NAT1: variants seen among roughly 807,000 people sequenced by gnomAD.
NAT1 encodes the protein N-acetyltransferase 1.
For missense variants in NAT1, 400 were observed against 339.2 expected, an observed-to-expected ratio of 1.18 and a Z score of -1.41; for synonymous variants, 144 against 122.6, an observed-to-expected ratio of 1.17 and a Z score of -1.16.
chr8:18,219,463 C>T lies in NAT1; in HGVS notation c.-33C>T. On this transcript the variant is annotated 5_prime_UTR_variant, in exon 2 of 3. Transcript: ENST00000307719. ...TGTCTTCTGGATTAAAACTGAAGAT[C>T]AACCTACTTTCAACTTACTAAGAAA... 1 of 1,550,462 alleles carries T rather than the reference C, an allele frequency of 6.4e-7. No homozygotes were observed. Among genetic ancestry groups the T allele is most frequent in the Non-Finnish European group, 8.7e-7 (1 of 1,146,368 alleles).
At chr8:18,180,086 G>A (rs1423595865) in intron 2 of NAT1, among the ~76,000 whole-genome samples, 2 of 152,038 alleles carry the variant, frequency 1.3e-5, no homozygotes, top group African/African-American at 2.4e-5. Context: ...GAAAGACAAG[G>A]TGTGTAGATA....
chr8:18,172,503 C>A (rs1048450493), intron 2 of NAT1, among the ~76,000 whole-genome samples: 1 of 152,136 alleles, frequency 6.6e-6, no homozygotes. Context: ...TCATGCAATC[C>A]ATGTACCAGT....
chr8:18,199,305 A>G (rs1471681842), intron 2 of NAT1, among the ~76,000 whole-genome samples: 1 of 150,460 alleles, frequency 6.6e-6, no homozygotes, highest in Admixed American at 6.6e-5. Flanking sequence ...CAAAACAAGA[A>G]AGACTCTGTC....
chr8:18,186,713 C>T (rs7831983), intron 2 of NAT1, among the ~76,000 whole-genome samples: 96,127 of 152,014 alleles, frequency 0.63, 30,871 homozygotes, highest in South Asian at 0.75. Flanking sequence ...CCTGTCTTAT[C>T]ATCCTTCCAG....
chr8:18,181,862 T>C (rs1050100323), intron 2 of NAT1, among the ~76,000 whole-genome samples: 6 of 152,182 alleles, frequency 3.9e-5, no homozygotes, highest in Admixed American at 1.3e-4. Flanking sequence ...TTTCCTCCAG[T>C]TGGGGCAGTG....
intron 2 of NAT1, among the ~76,000 whole-genome samples, chr8:18,182,052 A>G (rs1047633985): frequency 1.3e-5 from 2 of 152,146 alleles, no homozygotes; most frequent in African/African-American, 4.8e-5. Context: ...TCTCCTCTCT[A>G]TGGTGCCTGG....
At chr8:18,216,845 C>A in intron 1 of NAT1, 1 of 1,343,666 alleles carries the variant, frequency 7.4e-7, no homozygotes. Context: ...TAAGGGGGAA[C>A]TCATAAGAAC....
chr8:18,171,625 A>G (rs1379466408), intron 2 of NAT1, among the ~76,000 whole-genome samples: 2 of 152,180 alleles, frequency 1.3e-5, no homozygotes, highest in Non-Finnish European at 2.9e-5. Flanking sequence ...CTGCACAAAC[A>G]AAACAAAAAA....
intron 2 of NAT1, among the ~76,000 whole-genome samples, chr8:18,199,317 CAAAAAA>C (rs373393013): frequency 2.3e-5 from 2 of 87,484 alleles, no homozygotes; most frequent in Admixed American, 1.3e-4. Flanking sequence ...GACTCTGTCT[CAAAAAA>C]AAAAAAAAAA....
At chr8:18,204,750 T>C (rs1015370275) in intron 2 of NAT1, among the ~76,000 whole-genome samples, 1 of 152,176 alleles carries the variant, frequency 6.6e-6, no homozygotes, top group Non-Finnish European at 1.5e-5. Flanking sequence ...CTAATAGCCA[T>C]AAGAGAATCA....
intron 2 of NAT1, among the ~76,000 whole-genome samples, chr8:18,184,005 T>C (rs932525315): frequency 2.6e-5 from 4 of 152,064 alleles, no homozygotes; most frequent in East Asian, 1.9e-4. Context: ...TGGCAGTGTA[T>C]ACTAGTGGCT....
In NAT1 at chr8:18,222,858, T is replaced by C. The variant is rs779619721; in HGVS notation, c.811T>C (p.Phe271Leu). The C allele has an allele frequency of 1.3e-6, 2 of 1,599,622 alleles. No homozygotes were observed. The highest frequency in any genetic ancestry group is 1.1e-5 in the South Asian group (1 of 87,104). The change falls in exon 3 of 3, where the codon TTT (phenylalanine) becomes CTT (leucine). Residue 271 changes from phenylalanine (F) to leucine (L), a missense_variant. By Grantham distance (22) the Phe-to-Leu change is conservative. Coordinates refer to ENST00000307719, the MANE Select transcript of NAT1 (RefSeq NM_000662.8). ...EEIEKVLKNIFNISLQRKLVP... is the reference protein window; with the variant it reads ...EEIEKVLKNILNISLQRKLVP... ...AATAGAAAAAGTGCTGAAAAATATA[T>C]TTAATATTTCCTTGCAGAGAAAGCT...
At chr8:18,200,776 T>A (rs1250503560) in intron 2 of NAT1, 2 of 152,056 alleles carry the variant, frequency 1.3e-5, no homozygotes, top group East Asian at 3.9e-4. Flanking sequence ...AATCCCTTCA[T>A]TTGTTTATAT....
At chr8:18,191,667 G>A (rs1329957395) in intron 2 of NAT1, among the ~76,000 whole-genome samples, 2 of 152,094 alleles carry the variant, frequency 1.3e-5, no homozygotes, top group African/African-American at 2.4e-5. Flanking sequence ...GAACAGAACA[G>A]AGCCCTCAGA....
rs909963624 is a variant in NAT1 at position 18,186,968 on chromosome 8, T to A, written n.92+16229T>A. On this transcript the variant is annotated intron_variant and non_coding_transcript_variant, in intron 2 of 4. Transcript: ENST00000517441. ...CCTGGCTAGAGGTCAAATTAAGAAA[T>A]CTGGCAAAAAGTAAGCTGTTCCTTG... is the stretch of plus-strand genomic sequence containing the variant. Among the ~76,000 whole-genome samples, 3 of 152,092 alleles carry A rather than the reference T, an allele frequency of 2.0e-5. No individual in the cohort carries two copies. The East Asian group carries it at 5.8e-4, about 29-fold the overall frequency.
intron 2 of NAT1, among the ~76,000 whole-genome samples, chr8:18,201,463 G>T (rs1803460785): frequency 6.6e-6 from 1 of 152,050 alleles, no homozygotes; most frequent in South Asian, 2.1e-4. Context: ...CCTCCTCCCT[G>T]GGTCCTGCAT....
chr8:18,223,238 T>G lies in NAT1; in HGVS notation c.*318T>G, dbSNP rs4986993. On this transcript the variant is annotated 3_prime_UTR_variant, in exon 3 of 3. Coordinates refer to ENST00000307719, the MANE Select transcript of NAT1 (RefSeq NM_000662.8). Reference sequence around the variant, plus strand: ...TGTTGAATTCCTAGAAAAGTTTTATTGGTAGATGAGTAAATAAAATATTGT... The same window carrying G: ...TGTTGAATTCCTAGAAAAGTTTTATGGGTAGATGAGTAAATAAAATATTGT... 109,511 of 168,204 alleles carry G rather than the reference T, an allele frequency of 0.65. 36,695 individuals carry two copies. The highest frequency in any genetic ancestry group is 0.74 in the Non-Finnish European group (51,461 of 69,136). 10.4% of individuals were successfully genotyped at this position (168,204 alleles called of 1,614,324 possible).
chr8:18,187,695 C>T (rs1802799117), intron 2 of NAT1, among the ~76,000 whole-genome samples: 1 of 151,672 alleles, frequency 6.6e-6, no homozygotes, highest in South Asian at 2.1e-4. Context: ...CACACTGGGG[C>T]CTACTTGAGG....
In NAT1 at chr8:18,193,191, C is replaced by A. The variant is rs532337203; in HGVS notation, n.93-16590C>A. Among the ~76,000 whole-genome samples, 33 of 148,406 alleles carry A rather than the reference C, an allele frequency of 2.2e-4. No homozygotes were observed. In the South Asian group the frequency reaches 6.2e-3, roughly 28 times the overall value. ...CCTCCTGGGCTCAAGCAATCCTCCA[C>A]CTCAGCCACTCAAGTAGGTAGCACC... On this transcript the variant is annotated intron_variant and non_coding_transcript_variant, in intron 2 of 4. Transcript: ENST00000517441.
Sources: allele counts gnomAD v4.1 joint callset (sites outside exome capture counted in the v4.1 genomes callset), GRCh38; gene constraint gnomAD v4.1.1; transcripts MANE v1.5; gene names NCBI Gene and HGNC (gene_info 2026-07-23, HGNC 2026-07-21).